KRABD5: variants seen among roughly 807,000 people sequenced by gnomAD.
KRABD5 encodes KRAB domain containing 5, also known as KRAB domain-containing protein 5.
chr16:31,725,779 T>C, the KRABD5 span, among the ~76,000 whole-genome samples: 58 of 152,374 alleles, frequency 3.8e-4, 1 homozygote, highest in East Asian at 7.7e-3. Flanking sequence ...ATGTAATCCC[T>C]GGAAGACTTT....
At chr16:31,720,463 T>G in the KRABD5 span, among the ~76,000 whole-genome samples, 1 of 152,198 alleles carries the variant, frequency 6.6e-6, no homozygotes, top group South Asian at 2.1e-4. Flanking sequence ...GTATGCATAT[T>G]GAAGCTTGAG....
At chr16:31,748,439 G>A in the KRABD5 span, among the ~76,000 whole-genome samples, 1 of 152,162 alleles carries the variant, frequency 6.6e-6, no homozygotes, top group African/African-American at 2.4e-5. Flanking sequence ...CTCCAGCTTT[G>A]TTCTTTTGGC....
chr16:31,723,430 G>A, the KRABD5 span: 1 of 1,419,630 alleles, frequency 7.0e-7, no homozygotes, highest in African/African-American at 1.5e-5. Context: ...TTGAAGTGTG[G>A]ATTGGGAAGT....
the KRABD5 span, among the ~76,000 whole-genome samples, chr16:31,748,610 A>G: frequency 6.6e-6 from 1 of 152,132 alleles, no homozygotes; most frequent in Non-Finnish European, 1.5e-5. Flanking sequence ...CTTCCGTCTC[A>G]TCTTCTGTCC....
At chr16:31,725,202 G>A in the KRABD5 span, among the ~76,000 whole-genome samples, 1 of 152,070 alleles carries the variant, frequency 6.6e-6, no homozygotes, top group African/African-American at 2.4e-5. Flanking sequence ...TACAACCTCC[G>A]CTTCCTGGGT....
the KRABD5 span, chr16:31,759,243 A>T: frequency 8.9e-7 from 1 of 1,124,154 alleles, no homozygotes; most frequent in South Asian, 1.6e-5. Context: ...AACAAAATAC[A>T]GCTCAGGAAT....
chr16:31,718,961 A>C, the KRABD5 span, among the ~76,000 whole-genome samples: 1 of 152,248 alleles, frequency 6.6e-6, no homozygotes, highest in African/African-American at 2.4e-5. Context: ...TCACAGAAGG[A>C]ATCTCTTTAT....
chr16:31,761,401 A>G, the KRABD5 span: 1 of 152,250 alleles, frequency 6.6e-6, no homozygotes, highest in South Asian at 2.1e-4. Context: ...TCTGCTCAGT[A>G]TTCTAGTTCA....
chr16:31,754,021 T>C, the KRABD5 span: 1 of 1,224,106 alleles, frequency 8.2e-7, no homozygotes, highest in South Asian at 1.3e-5. Context: ...TTTATGTCAG[T>C]TGCTTTTTCT....
At chr16:31,747,059 A>G in the KRABD5 span, among the ~76,000 whole-genome samples, 1 of 151,820 alleles carries the variant, frequency 6.6e-6, no homozygotes, top group Admixed American at 6.6e-5. Context: ...TTACACATGT[A>G]TACATGTGCC....
the KRABD5 span, among the ~76,000 whole-genome samples, chr16:31,721,531 T>A: frequency 4.8e-4 from 73 of 151,604 alleles, 1 homozygote; most frequent in Non-Finnish European, 8.0e-4. Flanking sequence ...TGGCAAAAAA[T>A]TTTTTTTCAG....
chr16:31,759,782 G>T, the KRABD5 span: 1 of 172,646 alleles, frequency 5.8e-6, no homozygotes, highest in African/African-American at 2.4e-5. Context: ...TAGGAGTAAA[G>T]CTGGTTCTAT....
chr16:31,715,116 C>A, the KRABD5 span, among the ~76,000 whole-genome samples: 1 of 152,096 alleles, frequency 6.6e-6, no homozygotes, highest in African/African-American at 2.4e-5. Flanking sequence ...TCAGCCTGTT[C>A]TTAGGAGGGG....
chr16:31,757,768 T>G, the KRABD5 span: 1 of 152,030 alleles, frequency 6.6e-6, no homozygotes, highest in East Asian at 1.9e-4. Flanking sequence ...GTTGGAAATA[T>G]CAGGATGAAC....
chr16:31,747,180 C>T, the KRABD5 span, among the ~76,000 whole-genome samples: 2 of 143,092 alleles, frequency 1.4e-5, no homozygotes, highest in African/African-American at 2.6e-5. Flanking sequence ...GTGATGTTCC[C>T]CTTCCTGTGT....
At chr16:31,723,117 TA>T in the KRABD5 span, 2 of 924,142 alleles carry the variant, frequency 2.2e-6, no homozygotes, top group Non-Finnish European at 3.2e-6. Flanking sequence ...CTGAATATTC[TA>T]AAGAAGCTGA....
At chr16:31,731,274 G>C in the KRABD5 span, among the ~76,000 whole-genome samples, 2 of 152,318 alleles carry the variant, frequency 1.3e-5, no homozygotes, top group East Asian at 3.9e-4. Context: ...TCACATGACT[G>C]CTACTGGGTC....
chr16:31,713,300 G>T, the KRABD5 span: 12 of 1,262,198 alleles, frequency 9.5e-6, no homozygotes, highest in African/African-American at 9.1e-5. Flanking sequence ...TTCACCAGGG[G>T]CTCCCAGTCC....
the KRABD5 span, among the ~76,000 whole-genome samples, chr16:31,718,445 G>A: frequency 6.6e-6 from 1 of 152,320 alleles, no homozygotes; most frequent in Middle Eastern, 3.4e-3. Flanking sequence ...TTTGTGTGGG[G>A]TCTTTTAAGT....
Sources: allele counts gnomAD v4.1 joint callset (sites outside exome capture counted in the v4.1 genomes callset), GRCh38; gene constraint gnomAD v4.1.1; transcripts MANE v1.5; gene names NCBI Gene and HGNC (gene_info 2026-07-23, HGNC 2026-07-21).